The following C2orf49 variants were observed in gnomAD, a reference collection of about 807,000 sequenced individuals.
The protein encoded by C2orf49 is tRNA splicing ligase complex subunit 2, also known as tRNA-splicing ligase complex subunit ASW.
A neutral mutation model predicts 20.6 loss-of-function variants in C2orf49; 11 were observed. The ratio of observed to expected loss-of-function variants is 0.53; its 90% CI spans 0.34 to 0.88. C2orf49 has a LOEUF of 0.88. C2orf49 is among the 40% of genes least tolerant of loss of function. The probability of loss-of-function intolerance (pLI) is 0.02; values close to 1 mark genes in which losing one functional copy is unlikely to be tolerated. For missense variants in C2orf49, 289 were observed against 274.2 expected, an observed-to-expected ratio of 1.05 and a Z score of -0.38; for synonymous variants, 134 against 108.5, an observed-to-expected ratio of 1.24 and a Z score of -1.46.
chr2:105,379,423 A>C, the C2orf49 span, among the ~76,000 whole-genome samples: 6 of 152,220 alleles, frequency 3.9e-5, no homozygotes, highest in African/African-American at 1.4e-4. Context: ...TGGTAACTCT[A>C]CCACTCTACT....
At position 105,347,446 on chromosome 2, in the gene C2orf49, A is replaced by C. The variant is rs376439271; in HGVS notation, c.*2075A>C. 1.3e-5 allele frequency: 2 copies of C among 152,196 alleles called. No homozygotes were observed. Among genetic ancestry groups the C allele is most frequent in the Non-Finnish European group, 2.9e-5 (2 of 68,024 alleles). 9.4% of individuals were successfully genotyped at this position (152,196 alleles called of 1,614,324 possible). ...TTTTTAGTTACTCAATAAAATTAAT[A>C]TTTTATTTGTATTTTAACTTACAGA... On this transcript the variant is annotated 3_prime_UTR_variant, in exon 4 of 4. Transcript: ENST00000258457.
chr2:105,353,034 A>G (rs2679868), downstream of C2orf49, among the ~76,000 whole-genome samples: 40,202 of 152,128 alleles, frequency 0.26, 5,647 homozygotes, highest in South Asian at 0.33. Flanking sequence ...GTCCAAGAGC[A>G]TGGCACTGGC....
At position 105,343,096 on chromosome 2, in the gene C2orf49, A is replaced by G. The variant is rs1679716098; in HGVS notation, c.515A>G (p.Lys172Arg). ...ACGGAACACAATAATAATGACGCTAAACAGAACCATGACTTAACGCATAGG... is the reference window on the plus strand; with the variant it reads ...ACGGAACACAATAATAATGACGCTAGACAGAACCATGACTTAACGCATAGG... ...NKTEHNNNDAKQNHDLTHRKS... is the reference protein window; with the variant it reads ...NKTEHNNNDARQNHDLTHRKS... Residue 172 changes from lysine to arginine, a missense_variant, in exon 3 of 4, where the codon AAA becomes AGA. Transcript: ENST00000258457. 3.1e-6 allele frequency: 5 copies of G among 1,614,132 alleles called. No homozygotes were observed. The Admixed American group carries it at 5.0e-5, about 16-fold the overall frequency.
intron 1 of C2orf49, among the ~76,000 whole-genome samples, chr2:105,338,882 T>G (rs1226968458): frequency 1.3e-5 from 2 of 152,248 alleles, no homozygotes; most frequent in African/African-American, 4.8e-5. Flanking sequence ...TCTTCATGAC[T>G]ACTCCTGTGC....
At chr2:105,384,983 G>A in the C2orf49 span, among the ~76,000 whole-genome samples, 1 of 152,216 alleles carries the variant, frequency 6.6e-6, no homozygotes, top group South Asian at 2.1e-4. Context: ...GTCGTCAGGT[G>A]CAGTGAGACA....
chr2:105,364,210 C>A, the C2orf49 span, among the ~76,000 whole-genome samples: 3 of 152,124 alleles, frequency 2.0e-5, no homozygotes, highest in Non-Finnish European at 4.4e-5. Context: ...GAGCCAAGAT[C>A]ATGCCACTGC....
chr2:105,376,464 T>C, the C2orf49 span: 1 of 152,324 alleles, frequency 6.6e-6, no homozygotes, highest in African/African-American at 2.4e-5. Context: ...TTGAATAAAA[T>C]TGAACAAATC....
At chr2:105,359,553 G>A in the C2orf49 span, 1 of 152,110 alleles carries the variant, frequency 6.6e-6, no homozygotes, top group Non-Finnish European at 1.5e-5. Flanking sequence ...AGAAAACTAA[G>A]GACAAAAAGG....
intron 3 of C2orf49, among the ~76,000 whole-genome samples, chr2:105,344,605 A>T (rs1192866486): frequency 1.3e-5 from 2 of 151,974 alleles, no homozygotes; most frequent in Non-Finnish European, 2.9e-5. Context: ...TTTGAGACAG[A>T]GTCTTGCTCT....
the C2orf49 span, among the ~76,000 whole-genome samples, chr2:105,379,940 G>C: frequency 6.6e-6 from 1 of 152,180 alleles, no homozygotes; most frequent in African/African-American, 2.4e-5. Flanking sequence ...GAAACTCGTA[G>C]GTAACTAATT....
the C2orf49 span, chr2:105,378,357 C>T: frequency 2.7e-6 from 1 of 370,384 alleles, no homozygotes; most frequent in Non-Finnish European, 5.4e-6. Flanking sequence ...TGTCCCCCCA[C>T]ACCCTGCTCT....
chr2:105,363,252 C>A, the C2orf49 span: 1 of 1,606,758 alleles, frequency 6.2e-7, no homozygotes, highest in South Asian at 1.1e-5. Context: ...AGCTTCCAAT[C>A]GCCCCTGGAA....
the C2orf49 span, chr2:105,359,676 A>G: frequency 6.6e-5 from 10 of 152,148 alleles, no homozygotes; most frequent in African/African-American, 2.2e-4. Context: ...CTACTGCCAC[A>G]CTAGTAGCTC....
At chr2:105,363,613 TCA>T in the C2orf49 span, 2 of 748,246 alleles carry the variant, frequency 2.7e-6, no homozygotes, top group Non-Finnish European at 4.4e-6. Flanking sequence ...TTTACAAACT[TCA>T]CAGTCACTCG....
At chr2:105,382,498 C>A in the C2orf49 span, among the ~76,000 whole-genome samples, 1 of 152,264 alleles carries the variant, frequency 6.6e-6, no homozygotes, top group African/African-American at 2.4e-5. Flanking sequence ...TAGGCCTCAG[C>A]GGCTACTCCA....
Position 105,342,948 on chromosome 2 carries a change from A to C in C2orf49, c.367A>C (p.Asn123His), listed in dbSNP as rs750576144. 6.2e-7 allele frequency: 1 copy of C among 1,614,252 alleles called. No individual in the cohort carries two copies. Among genetic ancestry groups the C allele is most frequent in the Non-Finnish European group, 8.5e-7 (1 of 1,180,048 alleles). Reference sequence around the variant, plus strand: ...AGTGAAAAAGACAGAGAATGGAGATAATGATCGACTGAAGCCTCCCCCGCA... The same window carrying C: ...AGTGAAAAAGACAGAGAATGGAGATCATGATCGACTGAAGCCTCCCCCGCA... ...IKVKKTENGD[N>H]DRLKPPPQAS... The change falls in exon 3 of 4, where the codon AAT (asparagine) becomes CAT (histidine). Residue 123 changes from asparagine (N) to histidine (H), a missense_variant. By Grantham distance (68) the Asn-to-His change is moderately conservative. Coordinates refer to ENST00000258457, the MANE Select transcript of C2orf49 (RefSeq NM_024093.3).
Position 105,337,632 on chromosome 2 carries a change from G to T in C2orf49, c.45G>T (p.Leu15=). 1.9e-6 allele frequency: 3 copies of T among 1,610,918 alleles called. No individual in the cohort carries two copies. Among genetic ancestry groups the T allele is most frequent in the Non-Finnish European group, 2.5e-6 (3 of 1,179,282 alleles). The change falls in exon 1 of 4, where the codon CTG becomes CTT. Residue 15 remains leucine, a synonymous_variant. Transcript: ENST00000258457. ...VGGRSCTDSE[L]LLHPELLSQE... The stretch of plus-strand genomic sequence containing the variant: ...GTCGCAGCTGCACGGACTCGGAACT[G>T]CTGCTGCACCCGGAGCTGCTGTCCC...
the C2orf49 span, among the ~76,000 whole-genome samples, chr2:105,381,036 G>A: frequency 6.6e-6 from 1 of 152,048 alleles, no homozygotes; most frequent in Non-Finnish European, 1.5e-5. Flanking sequence ...GGGAGCCCTG[G>A]ACCCCTCAGT....
chr2:105,384,719 G>A, the C2orf49 span, among the ~76,000 whole-genome samples: 1 of 152,216 alleles, frequency 6.6e-6, no homozygotes, highest in Non-Finnish European at 1.5e-5. Flanking sequence ...TGTTGGCCAG[G>A]CTGGTCTCGA....
Sources: allele counts gnomAD v4.1 joint callset (sites outside exome capture counted in the v4.1 genomes callset), GRCh38; gene constraint gnomAD v4.1.1; transcripts MANE v1.5; gene names NCBI Gene and HGNC (gene_info 2026-07-23, HGNC 2026-07-21).